Variants in MTMR9 observed in about 807,000 individuals in gnomAD.
The protein encoded by MTMR9 is myotubularin related protein 9.
In MTMR9, 39 loss-of-function variants were observed where a neutral mutation model predicts 69.5. The observed-to-expected ratio is 0.56, with a 90% confidence interval of 0.43 to 0.73. The LOEUF is 0.73. MTMR9 is among the 30% of genes least tolerant of loss of function. MTMR9 has a pLI of 0.00. For missense variants in MTMR9, 900 were observed against 671.2 expected (o/e 1.34, Z -3.77); for synonymous variants, 354 against 240.8 (o/e 1.47, Z -4.35).
rs377658128 is a variant in MTMR9, at chr8:11,321,407, TAACTG to T, written c.1487-1215_1487-1211del. ...TACTTAAAGCCACTGTCACATTTAA[TAACTG>T]AAATGAGCGTAGCTGTTTGGGAGAA... On this transcript the variant is annotated intron_variant, in intron 9 of 9. Transcript: ENST00000221086. The T allele has an allele frequency of 1.2e-3, 566 of 456,358 alleles. 11 individuals carry two copies. The highest frequency in any genetic ancestry group is 8.1e-3 in the South Asian group (523 of 64,570). The allele number at this position is 456,358 out of a possible 1,614,324, so 28.3% of individuals were successfully genotyped here.
At chr8:11,298,916 A>G (rs921649955) in intron 2 of MTMR9, 2 of 971,916 alleles carry the variant, frequency 2.1e-6, no homozygotes, top group Non-Finnish European at 2.4e-6. Context: ...TATTGCCCCC[A>G]TTTGAGAATG....
chr8:11,314,771 T>C (rs1585129595), intron 6 of MTMR9, 152 bp from the exon 7 acceptor site: 2 of 616,296 alleles, frequency 3.2e-6, no homozygotes, highest in East Asian at 5.4e-5. Flanking sequence ...TTCTGAACTC[T>C]ACAAGTCAGA....
At chr8:11,332,130 A>T (rs201772651), downstream of MTMR9, 3 of 1,608,560 alleles carry the variant, frequency 1.9e-6, no homozygotes, top group Non-Finnish European at 2.5e-6. Flanking sequence ...GTGAGATAGA[A>T]CTTGGGAGCC....
the MTMR9 span, among the ~76,000 whole-genome samples, chr8:11,335,281 CAA>C: frequency 1.3e-3 from 193 of 152,284 alleles, 1 homozygote; most frequent in African/African-American, 4.3e-3. Flanking sequence ...CAGCAATGAA[CAA>C]ATGAAATTTG....
chr8:11,328,929 T>C (rs983408248), downstream of MTMR9, among the ~76,000 whole-genome samples: 3 of 152,244 alleles, frequency 2.0e-5, no homozygotes, highest in Non-Finnish European at 4.4e-5. Context: ...TACATTTAGA[T>C]CTTAATCCAT....
intron 3 of MTMR9, among the ~76,000 whole-genome samples, chr8:11,303,769 A>G (rs1287851922): frequency 6.6e-6 from 1 of 152,108 alleles, no homozygotes. Flanking sequence ...CCTGAACTCA[A>G]GCAATTTGCC....
intron 3 of MTMR9, among the ~76,000 whole-genome samples, chr8:11,301,734 A>C (rs1425958309): frequency 1.1e-5 from 1 of 88,844 alleles, no homozygotes; most frequent in East Asian, 7.5e-4. Context: ...ATTTTTTATA[A>C]GTTTTGTCTC....
At chr8:11,329,624 T>C (rs1801114848), downstream of MTMR9, among the ~76,000 whole-genome samples, 2 of 152,236 alleles carry the variant, frequency 1.3e-5, no homozygotes, top group African/African-American at 2.4e-5. Context: ...TGCTCAATGT[T>C]GCCCAGGCTG....
chr8:11,285,505 C>G (rs1799115588), intron 1 of MTMR9, among the ~76,000 whole-genome samples: 1 of 152,172 alleles, frequency 6.6e-6, no homozygotes, highest in African/African-American at 2.4e-5. Flanking sequence ...TGTCTACATG[C>G]TACAGAACCA....
At position 11,285,012 on chromosome 8, in the gene MTMR9, C is replaced by A. The variant is rs895069692; in HGVS notation, c.124C>A (p.Gln42Lys). The change falls in exon 1 of 10, where the codon CAG becomes AAG. Residue 42 changes from glutamine to lysine, a missense_variant. By Grantham distance (53) the Gln-to-Lys change is moderately conservative. Coordinates refer to ENST00000221086, the MANE Select transcript of MTMR9 (RefSeq NM_015458.4). ...CCACCACTTGATCCTGTCCTCCCGG[C>A]AGGACAATACGGAGGAGCTGTGGCT... ...TGHHLILSSRQDNTEELWLLH... is the reference protein window; with the variant it reads ...TGHHLILSSRKDNTEELWLLH... 4.3e-6 allele frequency: 7 copies of A among 1,613,286 alleles called. No individual in the cohort carries two copies. In the East Asian group the frequency reaches 1.3e-4, roughly 31 times the overall value.
chr8:11,299,877 G>A (rs1050400087), intron 2 of MTMR9, 146 bp from the exon 3 acceptor site: 5 of 920,060 alleles, frequency 5.4e-6, no homozygotes, highest in African/African-American at 3.4e-5. Context: ...GACTAAAATT[G>A]TATCTGGTGA....
intron 2 of MTMR9, among the ~76,000 whole-genome samples, chr8:11,299,056 G>A (rs984118808): frequency 6.6e-6 from 1 of 152,100 alleles, no homozygotes; most frequent in African/African-American, 2.4e-5. Flanking sequence ...GGCCAGGTGC[G>A]GTGGCTCACA....
intron 4 of MTMR9, among the ~76,000 whole-genome samples, chr8:11,305,579 T>C (rs1799908746): frequency 6.6e-6 from 1 of 152,180 alleles, no homozygotes; most frequent in South Asian, 2.1e-4. Flanking sequence ...CATTGATTTC[T>C]AGAGAAAAGT....
At chr8:11,329,237 T>TA (rs1204236870), downstream of MTMR9, among the ~76,000 whole-genome samples, 1 of 152,080 alleles carries the variant, frequency 6.6e-6, no homozygotes, top group African/African-American at 2.4e-5. Flanking sequence ...TTACAAAAAA[T>TA]AAAAAAATTA....
chr8:11,297,361 T>A (rs1280598745), intron 2 of MTMR9, among the ~76,000 whole-genome samples: 2 of 152,250 alleles, frequency 1.3e-5, no homozygotes, highest in Admixed American at 1.3e-4. Flanking sequence ...CTTACACATC[T>A]GTCATTTGGA....
chr8:11,316,962 TCTC>T (rs1298448259), intron 8 of MTMR9, 69 bp downstream of exon 8: 8 of 1,039,002 alleles, frequency 7.7e-6, no homozygotes, highest in Middle Eastern at 2.1e-4. Context: ...GTAGCCAGAA[TCTC>T]CTAGGAGACG....
At chr8:11,313,350 C>G (rs1351575893) in intron 6 of MTMR9, among the ~76,000 whole-genome samples, 1 of 152,184 alleles carries the variant, frequency 6.6e-6, no homozygotes, top group Non-Finnish European at 1.5e-5. Flanking sequence ...ACCACTCGAA[C>G]TTTGTCCATG....
chr8:11,312,097 T>C (rs1800223570), intron 6 of MTMR9, among the ~76,000 whole-genome samples: 1 of 151,982 alleles, frequency 6.6e-6, no homozygotes, highest in Non-Finnish European at 1.5e-5. Flanking sequence ...CAGGCTGGAG[T>C]GTAGTGGCAG....
At chr8:11,288,198 A>G (rs1017535355) in intron 1 of MTMR9, among the ~76,000 whole-genome samples, 1 of 138,078 alleles carries the variant, frequency 7.2e-6, no homozygotes, top group South Asian at 2.1e-4. Flanking sequence ...TAATACATGT[A>G]ATTATTATAT....
Sources: allele counts gnomAD v4.1 joint callset (sites outside exome capture counted in the v4.1 genomes callset), GRCh38; gene constraint gnomAD v4.1.1; transcripts MANE v1.5; gene names NCBI Gene and HGNC (gene_info 2026-07-23, HGNC 2026-07-21).